The following EFCAB7 variants were observed in gnomAD, a reference collection of about 807,000 sequenced individuals.
EFCAB7 encodes the protein EF-hand calcium binding domain 7, also known as EF-hand calcium-binding domain-containing protein 7.
EFCAB7 carries 66 observed loss-of-function variants against 77.1 expected under a neutral mutation model. The ratio of observed to expected loss-of-function variants is 0.86; its 90% CI spans 0.70 to 1.05. The LOEUF (loss-of-function observed/expected upper bound fraction) is 1.05, where lower values mean the gene tolerates loss of function less well. Among genes scored for constraint, EFCAB7 ranks in the 50% least tolerant of loss-of-function variants. The probability of loss-of-function intolerance (pLI) is 0.00; values close to 1 mark genes in which losing one functional copy is unlikely to be tolerated. For synonymous variants in EFCAB7, 225 were observed against 243.3 expected (o/e 0.92, Z 0.70); for missense variants, 638 against 730.5 (o/e 0.87, Z 1.46).
chr1:63,544,901 A>G (rs1646877791), intron 6 of EFCAB7, among the ~76,000 whole-genome samples: 1 of 148,028 alleles, frequency 6.8e-6, no homozygotes, highest in Non-Finnish European at 1.5e-5. Flanking sequence ...TTTTTTCAAT[A>G]CTTCATTTTT....
At position 63,555,494 on chromosome 1, in the gene EFCAB7, T is replaced by C. The variant is rs1378069602; in HGVS notation, c.1193T>C (p.Leu398Ser). 6.2e-7 allele frequency: 1 copy of C among 1,612,620 alleles called. No individual in the cohort carries two copies. The highest frequency in any genetic ancestry group is 8.5e-7 in the Non-Finnish European group (1 of 1,179,386). The change falls in exon 9 of 14, where the codon TTA becomes TCA. Residue 398 changes from leucine to serine, a missense_variant. Transcript: ENST00000371088. Reference sequence around the variant, plus strand: ...GTATATAGAGATGAAACAGGGGAATTATTCCTTACAAAGGAATTTAAGTAA... The same window carrying C: ...GTATATAGAGATGAAACAGGGGAATCATTCCTTACAAAGGAATTTAAGTAA... ...QLVYRDETGE[L>S]FLTKEFKSTL...
At chr1:63,524,826 G>C (rs755209430) in intron 1 of EFCAB7, among the ~76,000 whole-genome samples, 1 of 152,078 alleles carries the variant, frequency 6.6e-6, no homozygotes, top group African/African-American at 2.4e-5. Context: ...ATACCTGACC[G>C]CTGTAATAGG....
Position 63,555,502 on chromosome 1 carries a change from A to C in EFCAB7, c.1201A>C (p.Thr401Pro), listed in dbSNP as rs199693099. The change falls in exon 9 of 14, where the codon ACA becomes CCA. Residue 401 changes from threonine to proline, a missense_variant. Physicochemically the swap from Thr to Pro is conservative, Grantham distance 38 (BLOSUM62 -1). Coordinates refer to ENST00000371088, the MANE Select transcript of EFCAB7 (RefSeq NM_032437.4). Reference sequence around the variant, plus strand: ...AGATGAAACAGGGGAATTATTCCTTACAAAGGAATTTAAGTAAGTTTTGTT... The same window carrying C: ...AGATGAAACAGGGGAATTATTCCTTCCAAAGGAATTTAAGTAAGTTTTGTT... ...YRDETGELFL[T>P]KEFKSTLSDI... is the part of the protein sequence containing the mutation. The C allele has an allele frequency of 6.2e-6, 10 of 1,611,742 alleles. 1 individual carries two copies. Among genetic ancestry groups the C allele is most frequent in the Non-Finnish European group, 8.5e-6 (10 of 1,178,860 alleles).
intron 2 of EFCAB7, among the ~76,000 whole-genome samples, chr1:63,530,164 C>T (rs1346198708): frequency 6.6e-6 from 1 of 152,040 alleles, no homozygotes; most frequent in Non-Finnish European, 1.5e-5. Context: ...TATTTATTAC[C>T]CTGATCTGGT....
At chr1:63,549,075 CA>C in intron 7 of EFCAB7, 1 of 236,828 alleles carries the variant, frequency 4.2e-6, no homozygotes. Context: ...TAAAAATCGC[CA>C]AAAATTACTT....
chr1:63,551,497 A>G (rs35517033), intron 7 of EFCAB7, among the ~76,000 whole-genome samples: 20,218 of 152,170 alleles, frequency 0.13, 1,471 homozygotes, highest in Middle Eastern at 0.24. Context: ...AGGCTGAAGC[A>G]GGAGAATCGC....
At chr1:63,557,377 ATTG>A in intron 10 of EFCAB7, 130 bp downstream of exon 10, 1 of 835,664 alleles carries the variant, frequency 1.2e-6, no homozygotes, top group Non-Finnish European at 1.7e-6. Flanking sequence ...TGAAAGTAGT[ATTG>A]TTTGTAGATC....
intron 1 of EFCAB7, among the ~76,000 whole-genome samples, chr1:63,523,959 T>TA (rs1461234246): frequency 2.6e-5 from 4 of 152,104 alleles, no homozygotes; most frequent in African/African-American, 9.7e-5. Context: ...ATGGAGCCGT[T>TA]TGCTGCAATG....
At chr1:63,558,706 T>A in intron 10 of EFCAB7, among the ~76,000 whole-genome samples, 1 of 152,188 alleles carries the variant, frequency 6.6e-6, no homozygotes, top group East Asian at 1.9e-4. Flanking sequence ...AAACTTTTTT[T>A]ACACTTAAAG....
chr1:63,534,516 G>A (rs370621144), intron 6 of EFCAB7: 7 of 209,378 alleles, frequency 3.3e-5, no homozygotes, highest in East Asian at 2.2e-4. Flanking sequence ...TTCACCATAG[G>A]TGTTTCATAT....
intron 6 of EFCAB7, among the ~76,000 whole-genome samples, chr1:63,535,798 A>G (rs1377251360): frequency 6.6e-6 from 1 of 152,092 alleles, no homozygotes; most frequent in Non-Finnish European, 1.5e-5. Flanking sequence ...ATATTATTAT[A>G]GAACGAAGAA....
intron 4 of EFCAB7, 127 bp from the exon 5 acceptor site, chr1:63,533,327 G>A (rs902759963): frequency 4.9e-5 from 32 of 658,502 alleles, no homozygotes; most frequent in African/African-American, 1.1e-4. Context: ...AATAAAATGC[G>A]TAACCATCAA....
intron 8 of EFCAB7, among the ~76,000 whole-genome samples, chr1:63,553,404 G>C (rs534978954): frequency 5.9e-5 from 9 of 151,890 alleles, no homozygotes; most frequent in African/African-American, 1.7e-4. Context: ...GCAGTGGTGC[G>C]ATCTTGCTCA....
chr1:63,536,308 AT>A (rs1416937980), intron 6 of EFCAB7, among the ~76,000 whole-genome samples: 1 of 151,982 alleles, frequency 6.6e-6, no homozygotes, highest in South Asian at 2.1e-4. Flanking sequence ...TGAAATTATT[AT>A]TTTTTTAAGT....
chr1:63,553,715 G>C (rs909944214), intron 8 of EFCAB7, among the ~76,000 whole-genome samples: 1 of 152,188 alleles, frequency 6.6e-6, no homozygotes, highest in Non-Finnish European at 1.5e-5. Flanking sequence ...ACCTTAAGAA[G>C]ATTATGATTT....
At chr1:63,536,620 A>G (rs1646766426) in intron 6 of EFCAB7, 1 of 152,090 alleles carries the variant, frequency 6.6e-6, no homozygotes, top group Non-Finnish European at 1.5e-5. Context: ...ACCTCAAGTG[A>G]TCCGTCTGCC....
chr1:63,544,875 CAT>C (rs1268437235), intron 6 of EFCAB7, among the ~76,000 whole-genome samples: 2 of 151,596 alleles, frequency 1.3e-5, no homozygotes, highest in African/African-American at 4.8e-5. Flanking sequence ...ATTACAGCAA[CAT>C]ATTTATTTAT....
At chr1:63,584,835 G>C in the EFCAB7 span, among the ~76,000 whole-genome samples, 1 of 152,156 alleles carries the variant, frequency 6.6e-6, no homozygotes, top group Non-Finnish European at 1.5e-5. Flanking sequence ...GTTAAGTTTG[G>C]GGGGAGTCAA....
chr1:63,549,627 C>A, intron 7 of EFCAB7: 1 of 391,994 alleles, frequency 2.6e-6, no homozygotes, highest in Non-Finnish European at 5.0e-6. Context: ...AGATATATCG[C>A]TTGCATATCT....
Sources: allele counts gnomAD v4.1 joint callset (sites outside exome capture counted in the v4.1 genomes callset), GRCh38; gene constraint gnomAD v4.1.1; transcripts MANE v1.5; gene names NCBI Gene and HGNC (gene_info 2026-07-23, HGNC 2026-07-21).